NF2: variants seen among roughly 807,000 people sequenced by gnomAD.
NF2 encodes the protein merlin.
Under a neutral mutation model 83.7 loss-of-function variants are expected in NF2, and 8 were observed. The observed-to-expected ratio is 0.10, with a 90% CI of 0.06 to 0.17. The LOEUF (loss-of-function observed/expected upper bound fraction) is 0.17, where lower values mean the gene tolerates loss of function less well. Among genes scored for constraint, NF2 ranks in the 10% least tolerant of loss-of-function variants. NF2 has a pLI of 1.00. For synonymous variants in NF2, 266 were observed against 269.6 expected, an observed-to-expected ratio of 0.99 and a Z score of 0.13; for missense variants, 533 against 744.4, an observed-to-expected ratio of 0.72 and a Z score of 3.31.
chr22:29,647,125 A>G (rs1231908121), intron 4 of NF2, among the ~76,000 whole-genome samples: 1 of 151,590 alleles, frequency 6.6e-6, no homozygotes, highest in Non-Finnish European at 1.5e-5. Context: ...CACCTGTTGG[A>G]TTGTATATTG....
chr22:29,653,080 CA>C (rs1436440811), intron 4 of NF2, among the ~76,000 whole-genome samples: 1 of 152,124 alleles, frequency 6.6e-6, no homozygotes, highest in Non-Finnish European at 1.5e-5. Context: ...CCATGGTGCC[CA>C]CCCTATTTTT....
At chr22:29,619,524 G>A (rs1401989970) in intron 1 of NF2, among the ~76,000 whole-genome samples, 1 of 152,044 alleles carries the variant, frequency 6.6e-6, no homozygotes, top group Non-Finnish European at 1.5e-5. Flanking sequence ...AACCTCCTGA[G>A]TAGCTGGAAT....
chr22:29,668,237 C>T (rs2066681518), intron 9 of NF2, 96 bp from the exon 10 acceptor site: 8 of 849,288 alleles, frequency 9.4e-6, no homozygotes, highest in Non-Finnish European at 1.6e-5. Flanking sequence ...TTTACTGCTA[C>T]CTGCAAGAGC....
At chr22:29,664,211 G>A (rs770286973) in intron 8 of NF2, among the ~76,000 whole-genome samples, 2 of 152,078 alleles carry the variant, frequency 1.3e-5, no homozygotes, top group Admixed American at 6.6e-5. Flanking sequence ...GGCCTCAAGC[G>A]ATCCTCCTGC....
intron 1 of NF2, among the ~76,000 whole-genome samples, chr22:29,610,662 G>T (rs1165857117): frequency 6.7e-6 from 1 of 149,680 alleles, no homozygotes; most frequent in African/African-American, 2.4e-5. Context: ...AAAAAAAGAA[G>T]AAAGAAAAGC....
In NF2 at chr22:29,673,538, G is replaced by C. The variant is rs1478761882; in HGVS notation, c.1340+52G>C. 3 of 1,557,464 alleles carry C rather than the reference G, an allele frequency of 1.9e-6. No homozygotes were observed. The Admixed American group carries it at 5.8e-5, about 30-fold the overall frequency. On this transcript the variant is annotated intron_variant, in intron 12 of 15. Coordinates refer to ENST00000338641, the MANE Select transcript of NF2 (RefSeq NM_000268.4). ...GCGAGGAGGCTGGCGAAGGGCCGCA[G>C]ACCAGCCTGCCCTGAGGCTGAGCTC...
intron 7 of NF2, among the ~76,000 whole-genome samples, chr22:29,660,809 C>T (rs866551769): frequency 3.9e-5 from 6 of 152,154 alleles, no homozygotes; most frequent in Admixed American, 2.0e-4. Flanking sequence ...CCTCGTGAAC[C>T]GCCCGCCTCG....
In NF2 at chr22:29,665,041, T is replaced by C; in HGVS notation, c.862T>C (p.Ser288Pro). The stretch of plus-strand genomic sequence containing the variant: ...AATTGATGTCTTCAAGTTTAACTCC[T>C]CAAAGCTTCGTGTTAATAAGCTGGT... ...KKIDVFKFNSSKLRVNKLILQ... is the reference protein window; with the variant it reads ...KKIDVFKFNSPKLRVNKLILQ... Residue 288 changes from serine (S) to proline (P), a missense_variant, in exon 9 of 16, where the codon TCA becomes CCA. Physicochemically the swap from Ser to Pro is moderately conservative, Grantham distance 74. Coordinates refer to ENST00000338641, the MANE Select transcript of NF2 (RefSeq NM_000268.4). 6.2e-7 allele frequency: 1 copy of C among 1,613,788 alleles called. No homozygotes were observed.
At chr22:29,661,169 T>G (rs772111190) in intron 7 of NF2, 36 bp from the exon 8 acceptor site, 23 of 1,613,860 alleles carry the variant, frequency 1.4e-5, no homozygotes, top group Non-Finnish European at 1.9e-5. Flanking sequence ...GAGCCTCAGC[T>G]GGCGCTTACA....
Position 29,697,512 on chromosome 22 carries a change from G to A in NF2, c.*2710G>A. 1 of 181,704 alleles carries A rather than the reference G, an allele frequency of 5.5e-6. No homozygotes were observed. The highest frequency in any genetic ancestry group is 1.2e-5 in the Non-Finnish European group (1 of 85,218). The allele number at this position is 181,704 out of a possible 1,614,324, so 11.3% of individuals were successfully genotyped here. ...AAGCCCCAGTAGCAGGAGAAAGAAA[G>A]AAAGAGATGCCTGGTTTTCACAGAC... On this transcript the variant is annotated 3_prime_UTR_variant, in exon 16 of 16. Coordinates refer to ENST00000338641, the MANE Select transcript of NF2 (RefSeq NM_000268.4).
intron 4 of NF2, among the ~76,000 whole-genome samples, chr22:29,644,210 G>A (rs1442413620): frequency 8.7e-5 from 13 of 149,602 alleles, no homozygotes; most frequent in Non-Finnish European, 1.2e-4. Context: ...CAGACGGGGC[G>A]GCCGGGCAGA....
At chr22:29,666,942 C>T (rs2066641154) in intron 9 of NF2, among the ~76,000 whole-genome samples, 1 of 151,952 alleles carries the variant, frequency 6.6e-6, no homozygotes, top group Non-Finnish European at 1.5e-5. Context: ...TGCCATTGCA[C>T]TCCAGCCTGG....
At chr22:29,637,386 T>C (rs367954226) in intron 2 of NF2, among the ~76,000 whole-genome samples, 1 of 152,144 alleles carries the variant, frequency 6.6e-6, no homozygotes, top group East Asian at 1.9e-4. Flanking sequence ...GTCCTCAGGA[T>C]TCTCTGGGGC....
intron 4 of NF2, among the ~76,000 whole-genome samples, chr22:29,646,514 A>C (rs1412104006): frequency 6.6e-6 from 1 of 152,154 alleles, no homozygotes; most frequent in African/African-American, 2.4e-5. Context: ...TTCTTCCACA[A>C]CCTTTCTGAA....
intron 1 of NF2, among the ~76,000 whole-genome samples, chr22:29,615,541 G>A (rs2065062052): frequency 6.6e-6 from 1 of 152,154 alleles, no homozygotes; most frequent in African/African-American, 2.4e-5. Flanking sequence ...TGCACCTCCA[G>A]CCTGGTAATC....
intron 13 of NF2, 110 bp from the exon 14 acceptor site, chr22:29,678,086 C>T (rs1392731236): frequency 1.2e-5 from 17 of 1,445,354 alleles, no homozygotes; most frequent in East Asian, 4.6e-5. Flanking sequence ...AGGTGGGACC[C>T]GAGTTGTGCC....
intron 1 of NF2, among the ~76,000 whole-genome samples, chr22:29,624,450 C>A (rs2065290648): frequency 6.6e-6 from 1 of 152,154 alleles, no homozygotes; most frequent in East Asian, 1.9e-4. Flanking sequence ...TCAAGTGATT[C>A]TCCTGCCTTG....
chr22:29,613,200 G>A (rs2064998080), intron 1 of NF2, among the ~76,000 whole-genome samples: 1 of 151,874 alleles, frequency 6.6e-6, no homozygotes, highest in Non-Finnish European at 1.5e-5. Context: ...AAAGACTCAC[G>A]CTTTGTGATT....
chr22:29,664,874 A>C, intron 8 of NF2, 116 bp from the exon 9 acceptor site: 2 of 774,322 alleles, frequency 2.6e-6, no homozygotes, highest in Non-Finnish European at 4.6e-6. Flanking sequence ...AAGCCAGGAC[A>C]AGGCATAACT....
Sources: allele counts gnomAD v4.1 joint callset (sites outside exome capture counted in the v4.1 genomes callset), GRCh38; gene constraint gnomAD v4.1.1; transcripts MANE v1.5; gene names NCBI Gene and HGNC (gene_info 2026-07-23, HGNC 2026-07-21).